Variants in PTPRD observed in about 807,000 individuals in gnomAD.
PTPRD encodes the protein protein tyrosine phosphatase receptor type D, also known as receptor-type tyrosine-protein phosphatase delta.
Under a neutral mutation model 214.5 loss-of-function variants are expected in PTPRD, and 34 were observed. The ratio of observed to expected loss-of-function variants is 0.16; its 90% CI spans 0.12 to 0.21. The LOEUF is 0.21. PTPRD is among the 10% of genes least tolerant of loss of function. The pLI, the probability that PTPRD is intolerant of heterozygous loss-of-function variation, is 1.00. For synonymous variants in PTPRD, 1,128 were observed against 845.7 expected, an observed-to-expected ratio of 1.33 and a Z score of -5.79; for missense variants, 2,545 against 2,398.7, an observed-to-expected ratio of 1.06 and a Z score of -1.27.
chr9:9,528,593 A>G (rs954271672), intron 8 of PTPRD, among the ~76,000 whole-genome samples: 1 of 152,212 alleles, frequency 6.6e-6, no homozygotes, highest in Non-Finnish European at 1.5e-5. Context: ...TGAAAACTAT[A>G]AACCTACAGA....
intron 9 of PTPRD, among the ~76,000 whole-genome samples, chr9:9,261,528 T>G (rs748995841): frequency 6.6e-6 from 1 of 151,840 alleles, no homozygotes; most frequent in Non-Finnish European, 1.5e-5. Context: ...GCCAGAAGGA[T>G]GGCATAAATG....
intron 12 of PTPRD, among the ~76,000 whole-genome samples, chr9:8,721,666 T>A (rs2098500300): frequency 6.6e-6 from 1 of 152,210 alleles, no homozygotes; most frequent in Non-Finnish European, 1.5e-5. Context: ...CCTGCTTTTG[T>A]CTTTACAGCA....
intron 2 of PTPRD, among the ~76,000 whole-genome samples, chr9:10,554,501 T>C (rs983590513): frequency 2.0e-5 from 3 of 152,178 alleles, no homozygotes; most frequent in African/African-American, 7.2e-5. Context: ...TCATTGAATA[T>C]TATCCACAGT....
intron 10 of PTPRD, among the ~76,000 whole-genome samples, chr9:9,041,828 C>T (rs1569493876): frequency 2.0e-5 from 3 of 152,180 alleles, no homozygotes; most frequent in Non-Finnish European, 2.9e-5. Context: ...TCCTAAATCC[C>T]AGCTAATCTC....
Position 10,369,459 on chromosome 9 carries a change from G to A in PTPRD, c.-599-28442C>T, listed in dbSNP as rs574914507. Among the ~76,000 whole-genome samples, 5 of 152,110 alleles carry A rather than the reference G, an allele frequency of 3.3e-5. No individual in the cohort carries two copies. The South Asian group carries it at 8.3e-4, about 25-fold the overall frequency. ...AACAAAGAAAGTAGGTGAGACAGCT[G>A]AGTGTATCCATACGAACAGCCACAA... On this transcript the variant is annotated intron_variant, in intron 2 of 45. Coordinates refer to ENST00000381196, the MANE Select transcript of PTPRD (RefSeq NM_002839.4).
At chr9:10,269,965 A>G (rs2094326062) in intron 3 of PTPRD, among the ~76,000 whole-genome samples, 1 of 152,118 alleles carries the variant, frequency 6.6e-6, no homozygotes, top group Admixed American at 6.5e-5. Flanking sequence ...AAATAGGGAA[A>G]TACAGAATAA....
chr9:9,047,561 T>C (rs749072688), intron 10 of PTPRD, among the ~76,000 whole-genome samples: 2 of 152,002 alleles, frequency 1.3e-5, no homozygotes, highest in Non-Finnish European at 2.9e-5. Context: ...CATAGACCAA[T>C]GCAACAGAAT....
rs2154304277 is a variant in PTPRD, at chr9:9,574,748, AG to A, written c.-254del. 6.6e-6 allele frequency: 1 copy of A among 152,226 alleles called. No individual in the cohort carries two copies. Among genetic ancestry groups the A allele is most frequent in the African/African-American group, 2.4e-5 (1 of 41,570 alleles). The allele number at this position is 152,226 out of a possible 1,614,324, so 9.4% of individuals were successfully genotyped here. A position where few individuals can be genotyped will look rare whatever the true frequency, so the allele number is the denominator to read the frequency against. On this transcript the variant is annotated 5_prime_UTR_variant, in exon 8 of 46. An upstream open reading frame in the 5' UTR loses its in-frame stop. Transcript: ENST00000381196. ...TAATCTTACCGTAAGCTCACAGGTTAGGAATTCGAAGAAAAAGTTCACCACC... is the reference window on the plus strand; with the variant it reads ...TAATCTTACCGTAAGCTCACAGGTTAGAATTCGAAGAAAAAGTTCACCACC...
At position 8,642,017 on chromosome 9, in the gene PTPRD, G is replaced by A. The variant is rs371478246; in HGVS notation, c.65-5173C>T. ...TACTGAGGACAAAATCCTCCCTTTC[G>A]TACACTATACTAAGTAGTGCTAGAC... On this transcript the variant is annotated intron_variant, in intron 12 of 45. Transcript: ENST00000381196. 2.2e-4 allele frequency among the ~76,000 whole-genome samples: 34 copies of A among 152,240 alleles called. 2 individuals are homozygous for A. Among genetic ancestry groups the A allele is most frequent in the South Asian group, 6.2e-4 (3 of 4,832 alleles).
chr9:9,741,405 T>C lies in PTPRD; in HGVS notation c.-325-6834A>G, dbSNP rs953838122. Among the ~76,000 whole-genome samples, 5 of 151,974 alleles carry C rather than the reference T, an allele frequency of 3.3e-5. No homozygotes were observed. In the South Asian group the frequency reaches 6.3e-4, roughly 19 times the overall value. Reference sequence around the variant, plus strand: ...ATGTTTAACTTTTATTTTTATGAACTTTACAAGTTAACAACAACAAAAATC... The same window carrying C: ...ATGTTTAACTTTTATTTTTATGAACCTTACAAGTTAACAACAACAAAAATC... On this transcript the variant is annotated intron_variant, in intron 6 of 45. Coordinates refer to ENST00000381196, the MANE Select transcript of PTPRD (RefSeq NM_002839.4).
intron 3 of PTPRD, among the ~76,000 whole-genome samples, chr9:10,317,259 T>C (rs2096459485): frequency 1.3e-5 from 2 of 151,946 alleles, no homozygotes; most frequent in South Asian, 2.1e-4. Flanking sequence ...ATTTAATTAG[T>C]TAATTAGATT....
At chr9:9,737,019 A>G (rs2154446767) in intron 6 of PTPRD, among the ~76,000 whole-genome samples, 1 of 152,190 alleles carries the variant, frequency 6.6e-6, no homozygotes. Flanking sequence ...ATTTGCTTCT[A>G]AAAATCTTTT....
At chr9:10,208,405 T>A (rs1048687541) in intron 3 of PTPRD, among the ~76,000 whole-genome samples, 3 of 152,078 alleles carry the variant, frequency 2.0e-5, no homozygotes, top group African/African-American at 7.2e-5. Flanking sequence ...TCCCAGCTAC[T>A]CGGGAGGCTG....
intron 9 of PTPRD, among the ~76,000 whole-genome samples, chr9:9,191,404 T>C (rs1229043809): frequency 1.3e-5 from 2 of 152,050 alleles, no homozygotes. Context: ...ATACCCTGAT[T>C]GCAGTCTCGT....
At chr9:9,838,654 T>G (rs2057491316) in intron 5 of PTPRD, among the ~76,000 whole-genome samples, 1 of 152,206 alleles carries the variant, frequency 6.6e-6, no homozygotes, top group Non-Finnish European at 1.5e-5. Flanking sequence ...CATTGTAGAT[T>G]CTGGATATTA....
chr9:9,161,685 AT>A (rs2099889260), intron 10 of PTPRD, among the ~76,000 whole-genome samples: 1 of 152,140 alleles, frequency 6.6e-6, no homozygotes. Flanking sequence ...TCTCCTAGTG[AT>A]AAAGATACAG....
intron 6 of PTPRD, among the ~76,000 whole-genome samples, chr9:9,756,710 G>A (rs2098586966): frequency 6.6e-6 from 1 of 152,018 alleles, no homozygotes; most frequent in Non-Finnish European, 1.5e-5. Context: ...CTTTAACATG[G>A]TTATTTTTAT....
chr9:9,375,548 A>G (rs1014433718), intron 9 of PTPRD, among the ~76,000 whole-genome samples: 2 of 152,156 alleles, frequency 1.3e-5, no homozygotes, highest in Non-Finnish European at 1.5e-5. Context: ...GTGAGCCAAG[A>G]TTGCGCCACT....
intron 3 of PTPRD, among the ~76,000 whole-genome samples, chr9:10,334,450 A>G (rs2096807482): frequency 6.6e-6 from 1 of 151,474 alleles, no homozygotes; most frequent in Non-Finnish European, 1.5e-5. Context: ...AAAATATAAC[A>G]TACTGAAAAC....
Sources: gnomAD v4.1 joint callset for allele counts (sites outside exome capture counted in the v4.1 genomes callset) on GRCh38, gnomAD v4.1.1 for gene constraint, MANE v1.5 for transcripts, NCBI Gene and HGNC (gene_info 2026-07-23, HGNC 2026-07-21) for gene names.